The following NEBL variants were observed in gnomAD, a reference collection of about 807,000 sequenced individuals.
NEBL encodes the protein nebulette, also known as LIM and SH3 protein 2.
Under a neutral mutation model 140.2 loss-of-function variants are expected in NEBL, and 122 were observed. That is an observed-to-expected ratio of 0.87 (90% CI 0.75 to 1.01). The LOEUF is 1.01. NEBL is among the 50% of genes least tolerant of loss of function. NEBL has a pLI of 0.00. For synonymous variants in NEBL, 436 were observed against 398.9 expected (o/e 1.09, Z -1.11); for missense variants, 1,365 against 1,231.3 (o/e 1.11, Z -1.62).
intron 2 of NEBL, among the ~76,000 whole-genome samples, chr10:21,136,925 C>T (rs534037220): frequency 2.2e-4 from 33 of 152,324 alleles, no homozygotes; most frequent in African/African-American, 7.5e-4. Flanking sequence ...AATTAATGGA[C>T]ATCTAGAGAC....
chr10:20,957,575 T>C (rs1835865055), intron 4 of NEBL, among the ~76,000 whole-genome samples: 2 of 152,158 alleles, frequency 1.3e-5, no homozygotes, highest in African/African-American at 4.8e-5. Context: ...CATTAGTCTA[T>C]ACTGATCTAG....
intron 2 of NEBL, among the ~76,000 whole-genome samples, chr10:20,894,896 T>C (rs1377095329): frequency 7.4e-6 from 1 of 135,152 alleles, no homozygotes; most frequent in Non-Finnish European, 1.5e-5. Context: ...GCCACTGCCC[T>C]CCAGCCTGGG....
intron 2 of NEBL, among the ~76,000 whole-genome samples, chr10:21,069,682 T>G (rs945787108): frequency 6.6e-6 from 1 of 152,240 alleles, no homozygotes; most frequent in Non-Finnish European, 1.5e-5. Context: ...ATGTTACACA[T>G]TTTCATACAA....
intron 1 of NEBL, among the ~76,000 whole-genome samples, chr10:21,268,542 G>C (rs1842825654): frequency 6.7e-6 from 1 of 150,084 alleles, no homozygotes; most frequent in South Asian, 2.1e-4. Context: ...TTTTTTTTGG[G>C]AGATGGTATC....
At chr10:20,833,657 G>A (rs1840622560) in intron 14 of NEBL, among the ~76,000 whole-genome samples, 1 of 151,950 alleles carries the variant, frequency 6.6e-6, no homozygotes. Context: ...TCTCCTGCTG[G>A]GTTAAGAATG....
At chr10:20,954,025 G>GAAAAAA (rs200642113) in intron 4 of NEBL, among the ~76,000 whole-genome samples, 1 of 125,726 alleles carries the variant, frequency 8.0e-6, no homozygotes, top group Non-Finnish European at 1.7e-5. Flanking sequence ...TCTTCTTAAG[G>GAAAAAA]AAAAAAAAAA....
intron 4 of NEBL, among the ~76,000 whole-genome samples, chr10:20,947,317 TGAGA>T (rs1287211648): frequency 6.6e-6 from 1 of 152,134 alleles, no homozygotes; most frequent in Non-Finnish European, 1.5e-5. Flanking sequence ...AGATTTAAGA[TGAGA>T]AGGTACTTTG....
At chr10:20,879,545 T>A (rs779727187) in intron 5 of NEBL, among the ~76,000 whole-genome samples, 3 of 152,214 alleles carry the variant, frequency 2.0e-5, no homozygotes, top group Non-Finnish European at 4.4e-5. Context: ...AACATTTGCT[T>A]ACTGCAATTT....
At chr10:21,142,284 C>T (rs1428035136) in intron 2 of NEBL, among the ~76,000 whole-genome samples, 1 of 152,132 alleles carries the variant, frequency 6.6e-6, no homozygotes, top group African/African-American at 2.4e-5. Context: ...CTGGGTTGCA[C>T]CAGCCCTGTC....
At chr10:21,168,476 AGTT>A (rs1840891225) in intron 2 of NEBL, among the ~76,000 whole-genome samples, 1 of 152,200 alleles carries the variant, frequency 6.6e-6, no homozygotes, top group African/African-American at 2.4e-5. Context: ...AGCTAAGAAA[AGTT>A]GTCATTTTCA....
chr10:21,054,467 A>T (rs1038263947), intron 2 of NEBL, among the ~76,000 whole-genome samples: 2 of 152,182 alleles, frequency 1.3e-5, no homozygotes, highest in African/African-American at 4.8e-5. Flanking sequence ...GCACTTAAGC[A>T]GCTGTACTGC....
At chr10:20,993,815 C>G (rs376570509) in intron 3 of NEBL, among the ~76,000 whole-genome samples, 1 of 152,174 alleles carries the variant, frequency 6.6e-6, no homozygotes, top group African/African-American at 2.4e-5. Flanking sequence ...GAAAACACTT[C>G]GACAATTACA....
At chr10:21,283,088 A>G (rs1843012556) in intron 1 of NEBL, among the ~76,000 whole-genome samples, 2 of 151,544 alleles carry the variant, frequency 1.3e-5, no homozygotes, top group South Asian at 4.2e-4. Context: ...GTGAGCAGAG[A>G]TCATGCCACT....
intron 2 of NEBL, chr10:21,110,956 A>T (rs1483543451): frequency 2.4e-6 from 1 of 421,216 alleles, no homozygotes; most frequent in Admixed American, 3.1e-5. Flanking sequence ...ATAACAGACA[A>T]ATAGGGAGCC....
At chr10:21,217,083 G>A (rs1026814696) in intron 3 of NEBL, among the ~76,000 whole-genome samples, 5 of 152,216 alleles carry the variant, frequency 3.3e-5, no homozygotes, top group South Asian at 2.1e-4. Context: ...GAGGGGACCT[G>A]ATGTGAGTGT....
Position 21,227,690 on chromosome 10 carries a change from TTC to T in NEBL, n.348+20229_348+20230del, listed in dbSNP as rs1456700406. Among the ~76,000 whole-genome samples, 385 of 92,130 alleles carry T rather than the reference TTC, an allele frequency of 4.2e-3. 1 individual carries two copies. Among genetic ancestry groups the T allele is most frequent in the African/African-American group, 0.019 (368 of 19,504 alleles). The allele number at this position is 92,130 out of a possible 152,430, so 60.4% of individuals were successfully genotyped here. On this transcript the variant is annotated intron_variant and non_coding_transcript_variant, in intron 3 of 8. Transcript: ENST00000675702. ...CTTCTTCTTCTTCTTCTTCTTCTTC[TTC>T]TTCTTCTTCTTCTTCTTCTTTCTTC...
intron 2 of NEBL, among the ~76,000 whole-genome samples, chr10:21,034,682 A>ACTGT (rs1564487959): frequency 6.6e-6 from 1 of 152,254 alleles, no homozygotes; most frequent in African/African-American, 2.4e-5. Flanking sequence ...AACGGAGGAA[A>ACTGT]CTGTCTAACG....
At position 21,138,624 on chromosome 10, in the gene NEBL, A is replaced by G. The variant is rs181501609; in HGVS notation, c.164+33759T>C. Among the ~76,000 whole-genome samples, 845 of 151,980 alleles carry G rather than the reference A, an allele frequency of 5.6e-3. 8 individuals are homozygous for G. Among genetic ancestry groups the G allele is most frequent in the Non-Finnish European group, 7.9e-3 (536 of 67,952 alleles). On this transcript the variant is annotated intron_variant, in intron 2 of 6. Transcript: ENST00000417816. ...ATAAACATTATTTTAAAAAAACTAT[A>G]CTCCAGGTGCTATGTTATGTGTTCC...
At chr10:20,829,583 T>A (rs1013517869) in intron 16 of NEBL, among the ~76,000 whole-genome samples, 4 of 151,520 alleles carry the variant, frequency 2.6e-5, no homozygotes, top group Non-Finnish European at 4.4e-5. Context: ...ACTTAAAGTA[T>A]AATAATAATA....
Sources: allele counts gnomAD v4.1 joint callset (sites outside exome capture counted in the v4.1 genomes callset), GRCh38; gene constraint gnomAD v4.1.1; transcripts MANE v1.5; gene names NCBI Gene and HGNC (gene_info 2026-07-23, HGNC 2026-07-21).